The following MAGI2 variants were observed in gnomAD, a reference collection of about 807,000 sequenced individuals.
MAGI2 encodes the protein membrane associated guanylate kinase, WW and PDZ domain containing 2.
MAGI2 carries 35 observed loss-of-function variants against 133.3 expected under a neutral mutation model. That is an observed-to-expected ratio of 0.26 (90% CI 0.20 to 0.35). The LOEUF (loss-of-function observed/expected upper bound fraction) is 0.35. Among genes scored for constraint, MAGI2 ranks in the 10% least tolerant of loss-of-function variants. The probability of loss-of-function intolerance (pLI) is 1.00; values close to 1 mark genes in which losing one functional copy is unlikely to be tolerated. For missense variants in MAGI2, 1,636 were observed against 1,863.4 expected (o/e 0.88, Z 2.25); for synonymous variants, 729 against 710.6 (o/e 1.03, Z -0.41).
At chr7:78,972,051 C>T (rs945283874) in intron 2 of MAGI2, among the ~76,000 whole-genome samples, 17 of 151,804 alleles carry the variant, frequency 1.1e-4, no homozygotes, top group East Asian at 5.8e-4. Context: ...TTCATAACTG[C>T]GCCTGCAGCA....
At chr7:78,685,573 G>A (rs2151106245) in intron 2 of MAGI2, among the ~76,000 whole-genome samples, 1 of 125,178 alleles carries the variant, frequency 8.0e-6, no homozygotes, top group East Asian at 2.3e-4. Flanking sequence ...CAGTTTTTTT[G>A]CTTAAACAAC....
At chr7:78,750,657 A>T (rs1563452578) in intron 2 of MAGI2, among the ~76,000 whole-genome samples, 1 of 152,182 alleles carries the variant, frequency 6.6e-6, no homozygotes, top group Admixed American at 6.5e-5. Flanking sequence ...TAAACTGTGG[A>T]GGGCAGCAGT....
At chr7:78,486,503 A>G (rs1031120228) in intron 6 of MAGI2, 1 of 188,824 alleles carries the variant, frequency 5.3e-6, no homozygotes, top group Non-Finnish European at 1.1e-5. Context: ...GTTATGTGAA[A>G]GTATACAAAA....
At chr7:78,487,668 G>A (rs144206326) in intron 6 of MAGI2, among the ~76,000 whole-genome samples, 48 of 152,194 alleles carry the variant, frequency 3.2e-4, no homozygotes, top group Admixed American at 1.9e-3. Flanking sequence ...CCAACCTCAC[G>A]TTGGCTCAGT....
chr7:79,344,986 A>C (rs2129104005), intron 1 of MAGI2, among the ~76,000 whole-genome samples: 1 of 152,170 alleles, frequency 6.6e-6, no homozygotes. Flanking sequence ...ATGATCTCAA[A>C]TGAGTAGATA....
intron 2 of MAGI2, among the ~76,000 whole-genome samples, chr7:78,760,056 C>T (rs1005423676): frequency 2.6e-5 from 4 of 152,052 alleles, no homozygotes; most frequent in Admixed American, 1.3e-4. Flanking sequence ...GTGGAGGTTG[C>T]AGCGAGCCAA....
chr7:78,372,366 T>C (rs1159647206), intron 6 of MAGI2, among the ~76,000 whole-genome samples: 1 of 152,186 alleles, frequency 6.6e-6, no homozygotes, highest in Non-Finnish European at 1.5e-5. Flanking sequence ...ACAAAACAAC[T>C]GCTGCTTCTT....
chr7:79,240,812 A>G (rs1360721702), intron 1 of MAGI2, among the ~76,000 whole-genome samples: 1 of 151,748 alleles, frequency 6.6e-6, no homozygotes. Context: ...ATCTTTCTTC[A>G]TGTCTGTTGT....
intron 2 of MAGI2, among the ~76,000 whole-genome samples, chr7:78,927,233 A>G (rs961864734): frequency 6.6e-6 from 1 of 151,982 alleles, no homozygotes; most frequent in Non-Finnish European, 1.5e-5. Context: ...TAAATTCTCT[A>G]GATCTCAGTT....
At chr7:79,294,363 A>C (rs1222866621) in intron 1 of MAGI2, among the ~76,000 whole-genome samples, 1 of 151,998 alleles carries the variant, frequency 6.6e-6, no homozygotes, top group African/African-American at 2.4e-5. Flanking sequence ...AAGGAAAAAA[A>C]AAACTCAGCA....
At chr7:79,126,193 C>T (rs569268616) in intron 1 of MAGI2, among the ~76,000 whole-genome samples, 10 of 152,190 alleles carry the variant, frequency 6.6e-5, no homozygotes, top group East Asian at 3.9e-4. Context: ...GTAATGGGGA[C>T]GAAAGCTTCA....
chr7:79,302,759 A>C (rs1837485529), intron 1 of MAGI2, among the ~76,000 whole-genome samples: 1 of 152,210 alleles, frequency 6.6e-6, no homozygotes, highest in Admixed American at 6.5e-5. Context: ...AGACTTTCAG[A>C]ATAGTGCTTG....
chr7:78,734,516 T>C, intron 2 of MAGI2, among the ~76,000 whole-genome samples: 1 of 152,150 alleles, frequency 6.6e-6, no homozygotes, highest in Non-Finnish European at 1.5e-5. Context: ...ACCCCCTCTG[T>C]AGTCATTCCT....
chr7:78,542,149 C>T (rs1798462172), intron 3 of MAGI2, among the ~76,000 whole-genome samples: 1 of 152,122 alleles, frequency 6.6e-6, no homozygotes, highest in Admixed American at 6.6e-5. Flanking sequence ...TATCATTATT[C>T]TTTTTCATTT....
At chr7:78,614,710 A>T (rs967701037) in intron 3 of MAGI2, 9 of 152,280 alleles carry the variant, frequency 5.9e-5, no homozygotes, top group Admixed American at 5.9e-4. Context: ...TATAAATTTG[A>T]ATATATATAA....
intron 1 of MAGI2, among the ~76,000 whole-genome samples, chr7:79,200,556 A>G (rs1828514090): frequency 6.6e-6 from 1 of 151,436 alleles, no homozygotes; most frequent in African/African-American, 2.4e-5. Context: ...GGTTGCAGTG[A>G]GCCAAGATCA....
chr7:78,134,515 C>G (rs1821897343), intron 17 of MAGI2: 1 of 156,276 alleles, frequency 6.4e-6, no homozygotes, highest in East Asian at 1.9e-4. Flanking sequence ...CTTGTACAGA[C>G]AAATTCAAAA....
intron 6 of MAGI2, among the ~76,000 whole-genome samples, chr7:78,373,210 G>T (rs773538137): frequency 1.3e-5 from 2 of 152,118 alleles, no homozygotes; most frequent in African/African-American, 4.8e-5. Context: ...CTTAGAAAGG[G>T]TCAAGGTCAT....
intron 1 of MAGI2, among the ~76,000 whole-genome samples, chr7:79,109,427 A>G (rs759201808): frequency 2.0e-5 from 3 of 152,190 alleles, no homozygotes; most frequent in Admixed American, 1.3e-4. Flanking sequence ...TTCATGTCCT[A>G]TGGATCTGTG....
Sources: allele counts gnomAD v4.1 joint callset (sites outside exome capture counted in the v4.1 genomes callset), GRCh38; gene constraint gnomAD v4.1.1; transcripts MANE v1.5; gene names NCBI Gene and HGNC (gene_info 2026-07-23, HGNC 2026-07-21).